The following RANBP2 variants were observed in gnomAD, a reference collection of about 807,000 sequenced individuals.
RANBP2 encodes the protein E3 SUMO-protein ligase RanBP2.
In RANBP2, 57 loss-of-function variants were observed where a neutral mutation model predicts 303.6. The observed-to-expected ratio is 0.19, with a 90% CI of 0.15 to 0.23. The LOEUF (loss-of-function observed/expected upper bound fraction) is 0.23, where lower values mean the gene tolerates loss of function less well. Ranked by LOEUF, RANBP2 falls within the 10% of genes least tolerant of loss-of-function variation. The probability of loss-of-function intolerance (pLI) is 1.00; values close to 1 mark genes in which losing one functional copy is unlikely to be tolerated. For missense variants in RANBP2, 3,138 were observed against 3,780.8 expected, an observed-to-expected ratio of 0.83 and a Z score of 4.46; for synonymous variants, 1,167 against 1,301.5, an observed-to-expected ratio of 0.90 and a Z score of 2.23.
the RANBP2 span, among the ~76,000 whole-genome samples, chr2:108,845,127 T>A: frequency 2.6e-5 from 4 of 152,284 alleles, no homozygotes; most frequent in African/African-American, 7.2e-5. Context: ...ACAAAAAAAG[T>A]TTACCTTAAT....
At chr2:108,916,050 A>T in the RANBP2 span, among the ~76,000 whole-genome samples, 1 of 152,170 alleles carries the variant, frequency 6.6e-6, no homozygotes, top group African/African-American at 2.4e-5. Context: ...TGTGATAAGG[A>T]GGCTTCAGAT....
chr2:109,462,830 T>C, the RANBP2 span, among the ~76,000 whole-genome samples: 9 of 152,206 alleles, frequency 5.9e-5, no homozygotes, highest in Non-Finnish European at 1.2e-4. Context: ...AAAACTCCAC[T>C]GATCACCTGT....
chr2:109,517,943 G>A, the RANBP2 span, among the ~76,000 whole-genome samples: 1 of 152,186 alleles, frequency 6.6e-6, no homozygotes, highest in Non-Finnish European at 1.5e-5. Context: ...GCCCCCGATG[G>A]GAGCTCGAGT....
At chr2:109,201,785 A>G in the RANBP2 span, among the ~76,000 whole-genome samples, 1 of 152,166 alleles carries the variant, frequency 6.6e-6, no homozygotes, top group Non-Finnish European at 1.5e-5. Flanking sequence ...AGCTTTGGGA[A>G]GTGGGTATAA....
the RANBP2 span, among the ~76,000 whole-genome samples, chr2:109,499,964 G>A: frequency 6.6e-6 from 1 of 152,164 alleles, no homozygotes; most frequent in Non-Finnish European, 1.5e-5. Flanking sequence ...GGCAGCGAGT[G>A]GGGGCTCAGG....
At chr2:109,069,800 T>C in the RANBP2 span, among the ~76,000 whole-genome samples, 1 of 152,238 alleles carries the variant, frequency 6.6e-6, no homozygotes, top group African/African-American at 2.4e-5. Context: ...ATTTAGTCTA[T>C]TCCTTCAACA....
chr2:109,021,447 C>G, the RANBP2 span, among the ~76,000 whole-genome samples: 3 of 148,164 alleles, frequency 2.0e-5, no homozygotes, highest in Non-Finnish European at 3.0e-5. Flanking sequence ...GGCGTGAACC[C>G]GGGAGGCGGA....
chr2:109,381,816 T>G, the RANBP2 span, among the ~76,000 whole-genome samples: 1 of 152,120 alleles, frequency 6.6e-6, no homozygotes, highest in East Asian at 1.9e-4. Context: ...GGGTCTGTGT[T>G]ACATAGTAGA....
the RANBP2 span, among the ~76,000 whole-genome samples, chr2:109,018,387 C>A: frequency 2.0e-5 from 3 of 151,348 alleles, no homozygotes; most frequent in Admixed American, 2.0e-4. Context: ...CAGGCGCCAG[C>A]GTGCACTGTG....
chr2:109,533,559 G>C, the RANBP2 span, among the ~76,000 whole-genome samples: 1 of 152,264 alleles, frequency 6.6e-6, no homozygotes, highest in South Asian at 2.1e-4. Context: ...TATCATGGGT[G>C]TTATTCCCAT....
chr2:108,961,019 C>T, the RANBP2 span, among the ~76,000 whole-genome samples: 2 of 152,066 alleles, frequency 1.3e-5, no homozygotes, highest in East Asian at 3.8e-4. Context: ...CAATAGAGTC[C>T]CAGTGGTAGA....
the RANBP2 span, among the ~76,000 whole-genome samples, chr2:108,997,459 A>AAAAAAAAAAAAAG: frequency 2.6e-4 from 34 of 131,452 alleles, no homozygotes; most frequent in African/African-American, 6.7e-4. Context: ...AAAAAAAAAA[A>AAAAAAAAAAAAAG]AAAAGATGAT....
the RANBP2 span, among the ~76,000 whole-genome samples, chr2:109,307,436 A>AT: frequency 1.3e-5 from 1 of 75,588 alleles, no homozygotes. Flanking sequence ...TTTTTTTATT[A>AT]TTATACTTTA....
intron 18 of RANBP2, 63 bp from the exon 19 acceptor site, chr2:108,762,038 G>T: frequency 6.3e-7 from 1 of 1,585,808 alleles, no homozygotes; most frequent in Non-Finnish European, 8.5e-7. Flanking sequence ...CTCTTGCCTA[G>T]ATAGTCTTAA....
At chr2:109,325,091 G>A in the RANBP2 span, among the ~76,000 whole-genome samples, 1 of 152,124 alleles carries the variant, frequency 6.6e-6, no homozygotes, top group African/African-American at 2.4e-5. Context: ...AGGATGCCAT[G>A]GCTCTGACAA....
At chr2:109,606,137 C>T in the RANBP2 span, among the ~76,000 whole-genome samples, 2 of 152,172 alleles carry the variant, frequency 1.3e-5, no homozygotes, top group African/African-American at 4.8e-5. Flanking sequence ...GTAACACAGG[C>T]CGGGTGCCGT....
the RANBP2 span, among the ~76,000 whole-genome samples, chr2:109,704,723 C>T: frequency 1.3e-5 from 2 of 151,786 alleles, no homozygotes; most frequent in African/African-American, 4.8e-5. Flanking sequence ...TGGTGGCAGG[C>T]ACCTGTAATC....
At chr2:109,164,263 G>C in the RANBP2 span, among the ~76,000 whole-genome samples, 1 of 152,036 alleles carries the variant, frequency 6.6e-6, no homozygotes, top group Non-Finnish European at 1.5e-5. Flanking sequence ...ACTCACTGCG[G>C]CCTCGGCCTC....
At position 108,766,606 on chromosome 2, in the gene RANBP2, G is replaced by A. The variant is rs1283086966; in HGVS notation, c.6067G>A (p.Val2023Ile). The change falls in exon 20 of 29, where the codon GTA becomes ATA. Residue 2023 changes from valine to isoleucine, a missense_variant. Val to Ile is a conservative substitution (Grantham distance 29). Around this residue, in one of 20 missense-constraint regions of RANBP2, gnomAD observed 348 missense variants for 360.4 expected, o/e 0.97. Coordinates refer to ENST00000283195, the MANE Select transcript of RANBP2 (RefSeq NM_006267.5). ...ACCAGTAGTTCAAATGCCCGAAAAA[G>A]TAGAACTTGTAACAGGAGAAGAAGA... ...FEPVVQMPEK[V>I]ELVTGEEDEK... 12 of 1,611,954 alleles carry A rather than the reference G, an allele frequency of 7.4e-6. No homozygotes were observed. Among genetic ancestry groups the A allele is most frequent in the Non-Finnish European group, 1.0e-5 (12 of 1,179,836 alleles).
Sources: allele counts gnomAD v4.1 joint callset (sites outside exome capture counted in the v4.1 genomes callset), GRCh38; gene constraint gnomAD v4.1.1; regional missense constraint gnomAD v4.1.1; transcripts MANE v1.5; gene names NCBI Gene and HGNC (gene_info 2026-07-23, HGNC 2026-07-21).